The following SORCS2 variants were observed in gnomAD, a reference collection of about 807,000 sequenced individuals.
The protein encoded by SORCS2 is VPS10 domain-containing receptor SorCS2.
A neutral mutation model predicts 141.6 loss-of-function variants in SORCS2; 100 were observed. The ratio of observed to expected loss-of-function variants is 0.71; its 90% CI spans 0.60 to 0.83. SORCS2 has a LOEUF of 0.83. Among genes scored for constraint, SORCS2 ranks in the 40% least tolerant of loss-of-function variants. SORCS2 has a pLI of 0.00. For synonymous variants in SORCS2, 789 were observed against 676.9 expected (o/e 1.17, Z -2.57); for missense variants, 1,646 against 1,560.2 (o/e 1.05, Z -0.93).
chr4:7,430,923 C>G (rs1726804816), intron 2 of SORCS2: 1 of 152,408 alleles, frequency 6.6e-6, no homozygotes, highest in Non-Finnish European at 1.5e-5. Context: ...TGGGCCCGTC[C>G]CTTGCTCCTC....
At chr4:7,510,294 GC>G (rs1354881997) in intron 2 of SORCS2, among the ~76,000 whole-genome samples, 2 of 152,190 alleles carry the variant, frequency 1.3e-5, no homozygotes, top group Non-Finnish European at 1.5e-5. Context: ...TCCTGCGCCG[GC>G]CCCCGATTCG....
chr4:7,724,591 T>TGGTGA (rs1560114218), intron 19 of SORCS2, among the ~76,000 whole-genome samples: 1 of 23,786 alleles, frequency 4.2e-5, no homozygotes, highest in Non-Finnish European at 7.3e-5. Context: ...GGTGGTGGTG[T>TGGTGA]TGGTGATGGT....
intron 2 of SORCS2, among the ~76,000 whole-genome samples, chr4:7,496,258 C>G (rs1266242514): frequency 1.3e-5 from 2 of 152,140 alleles, no homozygotes. Flanking sequence ...TTCTGTCCTC[C>G]CTGCTGTGTA....
rs147357971 is a variant in SORCS2, at chr4:7,616,879, C to A, written c.649-21449C>A. ...AGGTGATTTCTGGCAGAGAACTCTG[C>A]GATGGTGCAGACTGCTCCAGGCTCC... On this transcript the variant is annotated intron_variant, in intron 3 of 26. Transcript: ENST00000507866. Among the ~76,000 whole-genome samples the A allele has an allele frequency of 9.6e-3, 1,468 of 152,320 alleles. 32 individuals are homozygous for A. Among genetic ancestry groups the A allele is most frequent in the African/African-American group, 0.033 (1,377 of 41,570 alleles).
At chr4:7,325,987 G>T (rs759894151) in intron 1 of SORCS2, among the ~76,000 whole-genome samples, 1 of 152,168 alleles carries the variant, frequency 6.6e-6, no homozygotes, top group Non-Finnish European at 1.5e-5. Context: ...GGAGTGAGCA[G>T]GGAGGGCTTC....
At position 7,416,610 on chromosome 4, in the gene SORCS2, A is replaced by G. The variant is rs529591219; in HGVS notation, c.548+20255A>G. Among the ~76,000 whole-genome samples, 67 of 152,246 alleles carry G rather than the reference A, an allele frequency of 4.4e-4. 1 individual carries two copies. The highest frequency in any genetic ancestry group is 3.6e-3 in the Admixed American group (55 of 15,304). On this transcript the variant is annotated intron_variant, in intron 2 of 26. Coordinates refer to ENST00000507866, the MANE Select transcript of SORCS2 (RefSeq NM_020777.3). ...CACATGCTCACACTTGTGCGTATAC[A>G]CAGACACGCATATGGACACATTCAC...
chr4:7,565,543 GTGA>G (rs1172619570), intron 3 of SORCS2, among the ~76,000 whole-genome samples: 2 of 152,154 alleles, frequency 1.3e-5, no homozygotes, highest in East Asian at 1.9e-4. Context: ...TGATGGTGAC[GTGA>G]TGATGATGAT....
At chr4:7,432,130 A>AC (rs11463561) in intron 2 of SORCS2, 2,135 of 151,372 alleles carry the variant, frequency 0.014, 14 homozygotes, top group African/African-American at 0.018. Flanking sequence ...CCAGATGGAA[A>AC]CCCCCCCCGG....
intron 1 of SORCS2, among the ~76,000 whole-genome samples, chr4:7,301,193 T>C (rs933157654): frequency 2.0e-5 from 3 of 152,186 alleles, no homozygotes; most frequent in African/African-American, 7.2e-5. Flanking sequence ...TCGCTTTTCC[T>C]CCACTCATTT....
intron 1 of SORCS2, among the ~76,000 whole-genome samples, chr4:7,366,664 C>G (rs1721918655): frequency 6.6e-6 from 1 of 152,110 alleles, no homozygotes; most frequent in South Asian, 2.1e-4. Flanking sequence ...CTCCTTGTCA[C>G]CACTTCTGGG....
At chr4:7,577,006 C>T (rs1292399134) in intron 3 of SORCS2, among the ~76,000 whole-genome samples, 2 of 152,190 alleles carry the variant, frequency 1.3e-5, no homozygotes, top group Non-Finnish European at 2.9e-5. Flanking sequence ...CCCATGAGGA[C>T]AGATGTGGTC....
At chr4:7,594,028 A>C (rs970351379) in intron 3 of SORCS2, among the ~76,000 whole-genome samples, 1 of 152,216 alleles carries the variant, frequency 6.6e-6, no homozygotes, top group Non-Finnish European at 1.5e-5. Context: ...TCTCTTGAGC[A>C]CGTCTGTCTG....
chr4:7,601,675 G>GTTTGT (rs767119066), intron 3 of SORCS2, among the ~76,000 whole-genome samples: 3 of 145,590 alleles, frequency 2.1e-5, no homozygotes, highest in Admixed American at 7.0e-5. Context: ...TTGTTTGTTT[G>GTTTGT]TTTTTTTAGT....
chr4:7,384,345 G>A (rs567201939), intron 1 of SORCS2, among the ~76,000 whole-genome samples: 1 of 152,352 alleles, frequency 6.6e-6, no homozygotes, highest in East Asian at 1.9e-4. Flanking sequence ...TCAGGACAGA[G>A]GAAGTCATTT....
At chr4:7,713,286 A>G (rs1185156784) in intron 15 of SORCS2, among the ~76,000 whole-genome samples, 2 of 152,090 alleles carry the variant, frequency 1.3e-5, no homozygotes, top group African/African-American at 2.4e-5. Flanking sequence ...TAATATGGAC[A>G]CTAAGAGGAG....
intron 1 of SORCS2, among the ~76,000 whole-genome samples, chr4:7,272,354 A>T (rs989217484): frequency 2.0e-5 from 3 of 152,012 alleles, no homozygotes; most frequent in African/African-American, 7.3e-5. Context: ...TACTTTATTC[A>T]CCCCTGAAGA....
chr4:7,504,642 A>G (rs923924607), intron 2 of SORCS2, among the ~76,000 whole-genome samples: 2 of 152,266 alleles, frequency 1.3e-5, no homozygotes, highest in East Asian at 3.9e-4. Flanking sequence ...GGTTGGTCAC[A>G]CAGAGCCACA....
chr4:7,571,505 G>A lies in SORCS2; in HGVS notation c.648+39876G>A, dbSNP rs1424679922. ...GTGGGGTAGACTCAGGGGATGAGAT[G>A]AGGGACCCGCAAAATTCTACCTGGG... On this transcript the variant is annotated intron_variant, in intron 3 of 26. Coordinates refer to ENST00000507866, the MANE Select transcript of SORCS2 (RefSeq NM_020777.3). Among the ~76,000 whole-genome samples, 13 of 152,228 alleles carry A rather than the reference G, an allele frequency of 8.5e-5. No homozygotes were observed. The East Asian group carries it at 2.3e-3, about 27-fold the overall frequency.
intron 18 of SORCS2, among the ~76,000 whole-genome samples, chr4:7,720,066 C>A (rs1445921108): frequency 6.6e-6 from 1 of 152,148 alleles, no homozygotes; most frequent in African/African-American, 2.4e-5. Flanking sequence ...CACACAGACA[C>A]ACACATGCTT....
Sources: gnomAD v4.1 joint callset for allele counts (sites outside exome capture counted in the v4.1 genomes callset) on GRCh38, gnomAD v4.1.1 for gene constraint, MANE v1.5 for transcripts, NCBI Gene and HGNC (gene_info 2026-07-23, HGNC 2026-07-21) for gene names.